LSAMP: variants seen among roughly 807,000 people sequenced by gnomAD.
LSAMP encodes the protein limbic system associated membrane protein.
Under a neutral mutation model 38.6 loss-of-function variants are expected in LSAMP, and 7 were observed. The ratio of observed to expected loss-of-function variants is 0.18; its 90% confidence interval spans 0.10 to 0.34. The LOEUF (loss-of-function observed/expected upper bound fraction) is 0.34, where lower values mean the gene tolerates loss of function less well. LSAMP is among the 10% of genes least tolerant of loss of function. LSAMP has a pLI of 1.00. For synonymous variants in LSAMP, 154 were observed against 166.8 expected (o/e 0.92, Z 0.59); for missense variants, 313 against 420.0 (o/e 0.75, Z 2.23).
chr3:116,397,104 A>G (rs1433972962), intron 1 of LSAMP, among the ~76,000 whole-genome samples: 1 of 152,122 alleles, frequency 6.6e-6, no homozygotes, highest in Non-Finnish European at 1.5e-5. Context: ...CTCTTCCCAA[A>G]TGGCACTTAT....
At chr3:116,224,967 A>G (rs532361401) in intron 1 of LSAMP, among the ~76,000 whole-genome samples, 1 of 152,346 alleles carries the variant, frequency 6.6e-6, no homozygotes, top group South Asian at 2.1e-4. Context: ...TTTATTGATC[A>G]GAGACAGATT....
chr3:116,214,218 T>C (rs2046194064), intron 1 of LSAMP, among the ~76,000 whole-genome samples: 1 of 152,162 alleles, frequency 6.6e-6, no homozygotes, highest in Non-Finnish European at 1.5e-5. Flanking sequence ...AATGGCAAAT[T>C]ATGACTCAAA....
chr3:116,199,785 GA>G (rs11347534), intron 1 of LSAMP, among the ~76,000 whole-genome samples: 75,776 of 151,876 alleles, frequency 0.5, 21,388 homozygotes, highest in East Asian at 0.74. Flanking sequence ...TTTCAGGGGA[GA>G]GGGGTCAGAA....
At chr3:115,989,856 G>T (rs1176887360) in intron 3 of LSAMP, among the ~76,000 whole-genome samples, 1 of 152,018 alleles carries the variant, frequency 6.6e-6, no homozygotes, top group Non-Finnish European at 1.5e-5. Context: ...CCAGGCTGAG[G>T]ACTTGATTTA....
rs528217641 is a variant in LSAMP, at chr3:115,889,955, A to C, written c.515-37338T>G. Among the ~76,000 whole-genome samples the C allele has an allele frequency of 6.8e-4, 104 of 152,046 alleles. 3 individuals carry two copies. In the South Asian group the frequency reaches 0.021, roughly 31 times the overall value. On this transcript the variant is annotated intron_variant, in intron 3 of 6. Transcript: ENST00000490035. ...AGTTACTCCCTCAGAACTAGCAAAA[A>C]CACACTCTTTTGCAACTCTCCCATT...
At chr3:116,004,410 TTACATATATACACATA>T (rs1300355355) in intron 3 of LSAMP, among the ~76,000 whole-genome samples, 54 of 151,608 alleles carry the variant, frequency 3.6e-4, no homozygotes, top group East Asian at 7.8e-4. Context: ...ATATGTATAC[TTACATATATACACATA>T]TACATATATA....
chr3:115,831,291 A>G (rs1934600294), intron 6 of LSAMP, among the ~76,000 whole-genome samples: 2 of 152,178 alleles, frequency 1.3e-5, no homozygotes, highest in African/African-American at 2.4e-5. Flanking sequence ...GACACATTCC[A>G]GGATTTGTTT....
intron 1 of LSAMP, among the ~76,000 whole-genome samples, chr3:116,301,787 T>TAATA (rs2047412184): frequency 6.6e-6 from 1 of 152,190 alleles, no homozygotes; most frequent in Non-Finnish European, 1.5e-5. Context: ...CTTATAAAGA[T>TAATA]AATAGTTTTT....
At chr3:115,878,782 G>A (rs189538656) in intron 3 of LSAMP, among the ~76,000 whole-genome samples, 151 of 152,100 alleles carry the variant, frequency 9.9e-4, no homozygotes, top group African/African-American at 3.5e-3. Flanking sequence ...TATTCTAATA[G>A]AATTGTAATA....
intron 3 of LSAMP, among the ~76,000 whole-genome samples, chr3:115,915,018 C>T (rs1022610145): frequency 6.6e-6 from 1 of 152,136 alleles, no homozygotes; most frequent in Admixed American, 6.5e-5. Context: ...TTTTATTTTC[C>T]TGGAAGCCAG....
chr3:116,091,934 C>T (rs978496621), intron 1 of LSAMP, among the ~76,000 whole-genome samples: 3 of 152,160 alleles, frequency 2.0e-5, no homozygotes, highest in Admixed American at 6.5e-5. Context: ...AATCTTCTCT[C>T]GTCAGTGTAA....
At chr3:115,812,414 A>G (rs1282576740) in intron 6 of LSAMP, among the ~76,000 whole-genome samples, 3 of 152,162 alleles carry the variant, frequency 2.0e-5, no homozygotes, top group Non-Finnish European at 4.4e-5. Flanking sequence ...GTAATTGTTG[A>G]CCAGGTGCTT....
Position 116,197,617 on chromosome 3 carries a change from G to A in LSAMP, c.156-111061C>T, listed in dbSNP as rs539554180. The stretch of plus-strand genomic sequence containing the variant: ...TCATTTTGAATTGCTCTATTTTCTT[G>A]TCATTATAATCTTAATTCTTCTATT... On this transcript the variant is annotated intron_variant, in intron 1 of 6. Transcript: ENST00000490035. 4.6e-5 allele frequency among the ~76,000 whole-genome samples: 7 copies of A among 152,170 alleles called. No individual in the cohort carries two copies. In the East Asian group the frequency reaches 1.2e-3, roughly 25 times the overall value.
chr3:116,271,700 C>T (rs992285148), intron 1 of LSAMP, among the ~76,000 whole-genome samples: 10 of 151,964 alleles, frequency 6.6e-5, no homozygotes, highest in Non-Finnish European at 1.2e-4. Flanking sequence ...GAAATATAAT[C>T]GACTTTGTGG....
intron 1 of LSAMP, among the ~76,000 whole-genome samples, chr3:116,271,407 C>A (rs1192590980): frequency 2.6e-5 from 4 of 151,908 alleles, no homozygotes; most frequent in African/African-American, 9.7e-5. Flanking sequence ...GATTATATTT[C>A]TGTGGTGTAA....
intron 4 of LSAMP, among the ~76,000 whole-genome samples, chr3:115,848,718 A>C (rs560247252): frequency 6.6e-6 from 1 of 152,352 alleles, no homozygotes; most frequent in Non-Finnish European, 1.5e-5. Flanking sequence ...TCAAAGAGAC[A>C]GACAAATAAA....
intron 1 of LSAMP, among the ~76,000 whole-genome samples, chr3:116,230,385 T>C (rs1156383614): frequency 6.6e-6 from 1 of 152,182 alleles, no homozygotes; most frequent in Non-Finnish European, 1.5e-5. Context: ...AGTGAATGGA[T>C]GGTAAAAAGA....
At chr3:116,156,211 A>G (rs1431679584) in intron 1 of LSAMP, among the ~76,000 whole-genome samples, 1 of 152,112 alleles carries the variant, frequency 6.6e-6, no homozygotes, top group South Asian at 2.1e-4. Context: ...AAAGAAGGGG[A>G]AAAAGACCTC....
At chr3:115,824,946 A>G (rs1934361249) in intron 6 of LSAMP, among the ~76,000 whole-genome samples, 2 of 152,064 alleles carry the variant, frequency 1.3e-5, no homozygotes. Flanking sequence ...CTTACCCCTC[A>G]CTTTCTATTT....
Sources: gnomAD v4.1 joint callset for allele counts (sites outside exome capture counted in the v4.1 genomes callset) on GRCh38, gnomAD v4.1.1 for gene constraint, MANE v1.5 for transcripts, NCBI Gene and HGNC (gene_info 2026-07-23, HGNC 2026-07-21) for gene names.